The following SNRNP200 variants were observed in gnomAD, a reference collection of about 807,000 sequenced individuals.
SNRNP200 encodes the protein U5 small nuclear ribonucleoprotein 200 kDa helicase.
SNRNP200 carries 66 observed loss-of-function variants against 255.2 expected under a neutral mutation model. That is an observed-to-expected ratio of 0.26 (90% confidence interval 0.21 to 0.32). The LOEUF is 0.32. SNRNP200 is among the 10% of genes least tolerant of loss of function. The pLI is 1.00. For synonymous variants in SNRNP200, 939 were observed against 1,027.8 expected (o/e 0.91, Z 1.65); for missense variants, 1,585 against 2,749.8 (o/e 0.58, Z 9.47).
chr2:96,286,763 T>C lies in SNRNP200; in HGVS notation c.3754A>G (p.Ile1252Val). The C allele has an allele frequency of 1.2e-6, 2 of 1,614,198 alleles. No homozygotes were observed. The highest frequency in any genetic ancestry group is 1.7e-6 in the Non-Finnish European group (2 of 1,180,038). Reference sequence around the variant, plus strand: ...TCAAAGACAGGCACGAAGAATGTAATGAGGTGCTCGTCCTGGGCGTACTTG... The same window carrying C: ...TCAAAGACAGGCACGAAGAATGTAACGAGGTGCTCGTCCTGGGCGTACTTG... Reference protein sequence around the residue: ...KAKYAQDEHLITFFVPVFEPL... With the variant: ...KAKYAQDEHLVTFFVPVFEPL... Residue 1252 changes from isoleucine to valine, a missense_variant, in exon 28 of 45, where the codon ATT (isoleucine) becomes GTT (valine). Transcript: ENST00000323853. The surrounding 1 kb of genome is among the most constrained non-coding windows in gnomAD (Gnocchi z 4.8).
Position 96,285,093 on chromosome 2 carries a change from C to T in SNRNP200, c.4164+87G>A, listed in dbSNP as rs548345813. The T allele has an allele frequency of 4.6e-6, 7 of 1,511,174 alleles. No individual in the cohort carries two copies. The South Asian group carries it at 5.7e-5, about 12-fold the overall frequency. The allele number at this position is 1,511,174 out of a possible 1,614,324, so 93.6% of individuals were successfully genotyped here. On this transcript the variant is annotated intron_variant, in intron 30 of 44. Coordinates refer to ENST00000323853, the MANE Select transcript of SNRNP200 (RefSeq NM_014014.5). The stretch of plus-strand genomic sequence containing the variant: ...TACACAAACTGAGGAAATGACCCTG[C>T]AAATTTCAGGGCTTAGAAAGCCTTC...
chr2:96,282,166 C>T, intron 34 of SNRNP200: 1 of 481,056 alleles, frequency 2.1e-6, no homozygotes. Flanking sequence ...GAACCCAAAG[C>T]CCAGGAACAC....
rs151063400 is a variant in SNRNP200, at chr2:96,287,913, T to C, written c.3315A>G (p.Ala1105=). 3,196 of 1,614,242 alleles carry C rather than the reference T, an allele frequency of 2.0e-3. 2 individuals carry two copies. Among genetic ancestry groups the C allele is most frequent in the Non-Finnish European group, 2.4e-3 (2,828 of 1,180,036 alleles). Reference sequence around the variant, plus strand: ...GGTTCAGGGTCTTGTCTGTAAGCTGTGCCCAACCTCGGTTCAGGACAATTT... The same window carrying C: ...GGTTCAGGGTCTTGTCTGTAAGCTGCGCCCAACCTCGGTTCAGGACAATTT... ...IFEIVLNRGW[A]QLTDKTLNLC... is the part of the protein sequence containing the mutation. The change falls in exon 25 of 45, where the codon GCA becomes GCG. Residue 1105 remains alanine (A), a synonymous_variant. Transcript: ENST00000323853. The surrounding 1 kb of genome is among the most constrained non-coding windows in gnomAD (Gnocchi z 5.7).
At chr2:96,301,999 C>A (rs1253053230) in intron 3 of SNRNP200, among the ~76,000 whole-genome samples, 5 of 152,226 alleles carry the variant, frequency 3.3e-5, no homozygotes, top group Non-Finnish European at 7.3e-5. Context: ...GCTTGCCACA[C>A]TTTTGTAATT....
rs774070577 is a variant in SNRNP200, at chr2:96,303,349, G to C, written c.210-19C>G. 4 of 1,613,784 alleles carry C rather than the reference G, an allele frequency of 2.5e-6. No homozygotes were observed. The highest frequency in any genetic ancestry group is 3.4e-6 in the Non-Finnish European group (4 of 1,179,994). ...TCTTCGCCTAATGGACATGCAATGT[G>C]ATATTGAATGGCAGAACCTTTCGTC... On this transcript the variant is annotated intron_variant, in intron 2 of 44. Transcript: ENST00000323853.
Position 96,298,412 on chromosome 2 carries a change from A to G in SNRNP200, c.991T>C (p.Cys331Arg). Residue 331 changes from cysteine (C) to arginine (R), a missense_variant, in exon 9 of 45, where the codon TGT becomes CGT. This residue lies in a region of SNRNP200 where 383 missense variants were observed against 645.3 expected (regional missense o/e 0.59). Coordinates refer to ENST00000323853, the MANE Select transcript of SNRNP200 (RefSeq NM_014014.5). ...LRQHRMMILY[C>R]TLLASAQSEA... is the part of the protein sequence containing the mutation. ...CTTTGTGCACTGGCCAGCAAGGTAC[A>G]GTATAAAACTACCCACAACAAAAGG... 1 of 1,614,222 alleles carries G rather than the reference A, an allele frequency of 6.2e-7. No individual in the cohort carries two copies. Among genetic ancestry groups the G allele is most frequent in the Non-Finnish European group, 8.5e-7 (1 of 1,180,042 alleles).
At chr2:96,284,280 G>C in intron 31 of SNRNP200, 78 bp downstream of exon 31, 1 of 1,304,592 alleles carries the variant, frequency 7.7e-7, no homozygotes, top group South Asian at 1.2e-5. Flanking sequence ...TCCGTCCTCA[G>C]ACCCAAACAT....
chr2:96,288,244 A>C (rs183564743), intron 24 of SNRNP200, among the ~76,000 whole-genome samples: 93 of 152,350 alleles, frequency 6.1e-4, no homozygotes, highest in African/African-American at 2.0e-3. Context: ...GTCATTTAGC[A>C]TTTAGAGTTC....
intron 43 of SNRNP200, chr2:96,276,449 A>G (rs1684662474): frequency 6.4e-6 from 1 of 156,942 alleles, no homozygotes; most frequent in Non-Finnish European, 1.4e-5. Context: ...TTTGAGATGA[A>G]GTCTCACACT....
intron 8 of SNRNP200, 44 bp downstream of exon 8, chr2:96,298,559 C>T (rs1213180233): frequency 1.3e-6 from 2 of 1,593,934 alleles, no homozygotes; most frequent in Non-Finnish European, 1.7e-6. Context: ...CACACATGCA[C>T]ACATATGTAC....
intron 29 of SNRNP200, 171 bp from the exon 30 acceptor site, chr2:96,285,511 C>A (rs1558766052): frequency 5.7e-6 from 4 of 701,700 alleles, no homozygotes; most frequent in Non-Finnish European, 9.9e-6. Flanking sequence ...GCCAGCCCTA[C>A]TGTACCCCCT....
chr2:96,289,742 T>G lies in SNRNP200; in HGVS notation c.2940+57A>C, dbSNP rs3214058. 746 of 1,564,004 alleles carry G rather than the reference T, an allele frequency of 4.8e-4. 8 individuals are homozygous for G. The East Asian group carries it at 0.013, about 27-fold the overall frequency. On this transcript the variant is annotated intron_variant, in intron 21 of 44. Coordinates refer to ENST00000323853, the MANE Select transcript of SNRNP200 (RefSeq NM_014014.5). ...TCAAGAGAGCAATCTGAAAAATTTTTTCCTGGGCCAACAACTTTTGCTGAG... is the reference window on the plus strand; with the variant it reads ...TCAAGAGAGCAATCTGAAAAATTTTGTCCTGGGCCAACAACTTTTGCTGAG...
rs2063837330 is a variant in SNRNP200 at position 96,285,281 on chromosome 2, C to T, written c.4063G>A (p.Gly1355Arg). 1 of 1,614,160 alleles carries T rather than the reference C, an allele frequency of 6.2e-7. No individual in the cohort carries two copies. Reference protein sequence around the residue: ...NVFVGAPTGSGKTICAEFAIL... With the variant: ...NVFVGAPTGSRKTICAEFAIL... The stretch of plus-strand genomic sequence containing the variant: ...GCAAACTCTGCACAAATAGTCTTCC[C>T]GCTGCCCGTGGGGGCCCCCACAAAC... Residue 1355 changes from glycine (G) to arginine (R), a missense_variant, in exon 30 of 45, where the codon GGG becomes AGG. By Grantham distance (125) the Gly-to-Arg change is moderately radical. Transcript: ENST00000323853.
At chr2:96,303,353 T>C (rs1268313522) in intron 2 of SNRNP200, 23 bp from the exon 3 acceptor site, 13 of 1,613,784 alleles carry the variant, frequency 8.1e-6, no homozygotes, top group East Asian at 4.5e-5. Flanking sequence ...CAATGTGATA[T>C]TGAATGGCAG....
rs1684701486 is a variant in SNRNP200 at position 96,278,170 on chromosome 2, T to C, written c.5610+67A>G. On this transcript the variant is annotated intron_variant, in intron 39 of 44. Coordinates refer to ENST00000323853, the MANE Select transcript of SNRNP200 (RefSeq NM_014014.5). This position sits in a 1 kb window ranked among gnomAD's most constrained non-coding sequence, Gnocchi z 6.9. Reference sequence around the variant, plus strand: ...GGGCGTGTTGGTGGCAGGGATGCCATGTGCTCTGGGCACACAGGCCGAGTT... The same window carrying C: ...GGGCGTGTTGGTGGCAGGGATGCCACGTGCTCTGGGCACACAGGCCGAGTT... 5 of 1,612,178 alleles carry C rather than the reference T, an allele frequency of 3.1e-6. No homozygotes were observed. Among genetic ancestry groups the C allele is most frequent in the Admixed American group, 1.7e-5 (1 of 59,994 alleles).
chr2:96,296,434 G>T, intron 13 of SNRNP200, 102 bp downstream of exon 13: 1 of 1,169,564 alleles, frequency 8.6e-7, no homozygotes, highest in Non-Finnish European at 1.3e-6. Flanking sequence ...CAGGAGGCAT[G>T]CCAGAGATGC....
In SNRNP200 at chr2:96,289,020, AGAG is replaced by A. The variant is rs767408254; in HGVS notation, c.3174+14_3174+16del. 49 of 1,595,508 alleles carry A rather than the reference AGAG, an allele frequency of 3.1e-5. No homozygotes were observed. The highest frequency in any genetic ancestry group is 3.9e-5 in the Non-Finnish European group (46 of 1,167,356). Reference sequence around the variant, plus strand: ...TTAATCCTCATCCTTATCAAAGCAAAGAGGAGAGGAGCTCACCTTAGCACTGGG... The same window carrying A: ...TTAATCCTCATCCTTATCAAAGCAAAGAGAGGAGCTCACCTTAGCACTGGG... On this transcript the variant is annotated intron_variant, in intron 23 of 44. Transcript: ENST00000323853.
At position 96,292,876 on chromosome 2, in the gene SNRNP200, TTC is replaced by T. The variant is rs1218106126; in HGVS notation, c.2160+94_2160+95del. ...TGATATTGGTGATTTATGTTGTGTC[TTC>T]TCTCTTTTAATTTCTGTCAATCTTC... On this transcript the variant is annotated intron_variant, in intron 16 of 44. Transcript: ENST00000323853. The T allele has an allele frequency of 7.7e-6, 11 of 1,433,038 alleles. No homozygotes were observed. In the Admixed American group the frequency reaches 1.9e-4, roughly 24 times the overall value. The allele number at this position is 1,433,038 out of a possible 1,614,324, so 88.8% of individuals were successfully genotyped here. A position where few individuals can be genotyped will look rare whatever the true frequency, so the allele number is the denominator to read the frequency against.
Position 96,277,449 on chromosome 2 carries a change from A to T in SNRNP200, c.5931+90T>A. On this transcript the variant is annotated intron_variant, in intron 41 of 44. Coordinates refer to ENST00000323853, the MANE Select transcript of SNRNP200 (RefSeq NM_014014.5). The surrounding 1 kb of genome is among the most constrained non-coding windows in gnomAD (Gnocchi z 4.4). Reference sequence around the variant, plus strand: ...GGAACCATAACTAAAAGTTTAACTTACTGAGACTCACCTCCCGCAACCCAC... The same window carrying T: ...GGAACCATAACTAAAAGTTTAACTTTCTGAGACTCACCTCCCGCAACCCAC... The T allele has an allele frequency of 6.7e-7, 1 of 1,492,360 alleles. No individual in the cohort carries two copies. The highest frequency in any genetic ancestry group is 9.3e-7 in the Non-Finnish European group (1 of 1,073,920). The allele number at this position is 1,492,360 out of a possible 1,614,324, so 92.4% of individuals were successfully genotyped here.
Sources: allele counts gnomAD v4.1 joint callset (sites outside exome capture counted in the v4.1 genomes callset), GRCh38; gene constraint gnomAD v4.1.1; regional missense constraint gnomAD v4.1.1; non-coding constraint Gnocchi (gnomAD v3.1); transcripts MANE v1.5; gene names NCBI Gene and HGNC (gene_info 2026-07-23, HGNC 2026-07-21).